The following SCAI variants were observed in gnomAD, a reference collection of about 807,000 sequenced individuals.
The protein encoded by SCAI is suppressor of cancer cell invasion.
A neutral mutation model predicts 92.2 loss-of-function variants in SCAI; 24 were observed. The observed-to-expected ratio is 0.26, with a 90% confidence interval of 0.19 to 0.37. The LOEUF (loss-of-function observed/expected upper bound fraction) is 0.37, where lower values mean the gene tolerates loss of function less well. Among genes scored for constraint, SCAI ranks in the 10% least tolerant of loss-of-function variants. The probability of loss-of-function intolerance (pLI) is 1.00; values close to 1 mark genes in which losing one functional copy is unlikely to be tolerated. For missense variants in SCAI, 450 were observed against 736.2 expected, an observed-to-expected ratio of 0.61 and a Z score of 4.50; for synonymous variants, 261 against 258.6, an observed-to-expected ratio of 1.01 and a Z score of -0.09.
chr9:125,023,974 A>C (rs1832917357), intron 6 of SCAI, among the ~76,000 whole-genome samples: 1 of 152,042 alleles, frequency 6.6e-6, no homozygotes, highest in South Asian at 2.1e-4. Flanking sequence ...GACTCACTGC[A>C]AGGGTCCACA....
chr9:125,098,225 T>C (rs1437653873), intron 2 of SCAI, among the ~76,000 whole-genome samples: 1 of 152,002 alleles, frequency 6.6e-6, no homozygotes, highest in Non-Finnish European at 1.5e-5. Context: ...TGGATAATTT[T>C]TTTTTATTTT....
rs34484716 is a variant in SCAI at position 125,125,831 on chromosome 9, C to CAA, written c.98+16800_98+16801dup. Among the ~76,000 whole-genome samples the CAA allele has an allele frequency of 3.5e-3, 290 of 81,952 alleles. 6 individuals carry two copies. Among genetic ancestry groups the CAA allele is most frequent in the African/African-American group, 0.011 (241 of 22,134 alleles). 53.8% of individuals were successfully genotyped at this position (81,952 alleles called of 152,430 possible). A position where few individuals can be genotyped will look rare whatever the true frequency, so the allele number is the denominator to read the frequency against. ...GGGCGACAGAGTAAAGACTTTGTCTCAAAAAAAAAAAAAAAAAAGATAGCT... is the reference window on the plus strand; with the variant it reads ...GGGCGACAGAGTAAAGACTTTGTCTCAAAAAAAAAAAAAAAAAAAAGATAGCT... On this transcript the variant is annotated intron_variant, in intron 2 of 17. Coordinates refer to ENST00000336505, the MANE Select transcript of SCAI (RefSeq NM_001144877.3).
rs1489703235 is a variant in SCAI at position 125,143,259 on chromosome 9, A to G, written c.53+126T>C. 189 of 130,790 alleles carry G rather than the reference A, an allele frequency of 1.4e-3. 4 individuals carry two copies. The East Asian group carries it at 0.027, about 19-fold the overall frequency. 8.1% of individuals were successfully genotyped at this position (130,790 alleles called of 1,614,324 possible). A position where few individuals can be genotyped will look rare whatever the true frequency, so the allele number is the denominator to read the frequency against. ...CTGCAGGCGCCCCCAAGGTCCCCCC[A>G]GCCTGCACCCCCCGCCCCTCCGGTC... On this transcript the variant is annotated intron_variant, in intron 1 of 17. Transcript: ENST00000336505.
At chr9:125,134,971 C>T (rs561023921) in intron 2 of SCAI, among the ~76,000 whole-genome samples, 8 of 152,174 alleles carry the variant, frequency 5.3e-5, no homozygotes, top group East Asian at 3.9e-4. Context: ...CCACCACGCC[C>T]GGCCAGTTTC....
At chr9:125,121,112 T>C (rs1835147866) in intron 2 of SCAI, among the ~76,000 whole-genome samples, 1 of 151,852 alleles carries the variant, frequency 6.6e-6, no homozygotes, top group Non-Finnish European at 1.5e-5. Flanking sequence ...TTAATAAAAT[T>C]CTAAATTGTG....
chr9:125,031,491 C>T (rs1229799677), intron 3 of SCAI, among the ~76,000 whole-genome samples: 1 of 151,960 alleles, frequency 6.6e-6, no homozygotes, highest in African/African-American at 2.4e-5. Context: ...TCTCCTGATC[C>T]ACCTGCCTCA....
intron 3 of SCAI, among the ~76,000 whole-genome samples, chr9:125,037,104 A>G (rs912359192): frequency 2.0e-5 from 3 of 152,268 alleles, no homozygotes; most frequent in Non-Finnish European, 4.4e-5. Flanking sequence ...CCCTGTCTCT[A>G]CTAAAGAGAC....
At chr9:125,029,480 T>C (rs2131088041) in intron 4 of SCAI, among the ~76,000 whole-genome samples, 164 bp downstream of exon 4, 1 of 152,304 alleles carries the variant, frequency 6.6e-6, no homozygotes, top group Non-Finnish European at 1.5e-5. Flanking sequence ...ATTTGGGTTA[T>C]AAAGATGAAA....
intron 2 of SCAI, among the ~76,000 whole-genome samples, chr9:125,074,443 G>A (rs1834046540): frequency 6.7e-6 from 1 of 149,718 alleles, no homozygotes; most frequent in African/African-American, 2.4e-5. Flanking sequence ...TTTTAGTAGA[G>A]ATGGGGGTCT....
chr9:125,136,661 A>G (rs1353835356), intron 2 of SCAI, among the ~76,000 whole-genome samples: 1 of 151,550 alleles, frequency 6.6e-6, no homozygotes, highest in Non-Finnish European at 1.5e-5. Context: ...GGGTTTCGCT[A>G]CATTGGCCAG....
chr9:124,971,738 C>T lies in SCAI; in HGVS notation c.1506G>A (p.Lys502=), dbSNP rs1831663284. Residue 502 remains lysine (K), a synonymous_variant, in exon 16 of 18, where the codon AAG becomes AAA. Transcript: ENST00000336505. ...LSSMRRGLWE[K]CQEYLRKINR... Reference sequence around the variant, plus strand: ...TGATTTTTCGAAGATATTCTTGACACTTTTCCCATAGGCCTCTGCGCATGC... The same window carrying T: ...TGATTTTTCGAAGATATTCTTGACATTTTTCCCATAGGCCTCTGCGCATGC... 6.2e-7 allele frequency: 1 copy of T among 1,612,426 alleles called. No homozygotes were observed. The highest frequency in any genetic ancestry group is 1.3e-5 in the African/African-American group (1 of 74,854).
At chr9:124,969,291 A>T in intron 17 of SCAI, among the ~76,000 whole-genome samples, 1 of 152,180 alleles carries the variant, frequency 6.6e-6, no homozygotes, top group Non-Finnish European at 1.5e-5. Flanking sequence ...ATAAAACAGA[A>T]AGAAATAATA....
chr9:125,082,449 C>A (rs1304576673), intron 2 of SCAI, among the ~76,000 whole-genome samples: 1 of 152,234 alleles, frequency 6.6e-6, no homozygotes. Context: ...AATCCCCACA[C>A]AGAGTCCCTA....
intron 2 of SCAI, among the ~76,000 whole-genome samples, chr9:125,100,979 A>C (rs1290284692): frequency 1.3e-5 from 2 of 152,100 alleles, no homozygotes; most frequent in African/African-American, 4.8e-5. Context: ...AATCCCAGCT[A>C]TTCAGGAGGC....
intron 2 of SCAI, among the ~76,000 whole-genome samples, chr9:125,077,966 C>A (rs1028940621): frequency 2.0e-5 from 3 of 151,760 alleles, no homozygotes; most frequent in Non-Finnish European, 2.9e-5. Context: ...TGATCCACAC[C>A]CCCCCCGCCT....
intron 2 of SCAI, among the ~76,000 whole-genome samples, chr9:125,088,982 A>C (rs1311509014): frequency 2.0e-5 from 3 of 152,116 alleles, no homozygotes; most frequent in Non-Finnish European, 2.9e-5. Context: ...GACGGCTAAA[A>C]ATATCTCCAG....
At position 124,945,477 on chromosome 9, in the gene SCAI, C is replaced by G. The variant is rs1831131154; in HGVS notation, c.*7330G>C. On this transcript the variant is annotated 3_prime_UTR_variant, in exon 18 of 18. Coordinates refer to ENST00000336505, the MANE Select transcript of SCAI (RefSeq NM_001144877.3). Reference sequence around the variant, plus strand: ...GGCTGAGGCAGGAGAATCTCTTGAACCCAGGAGGCGGAGGTTGCAGTGAGC... The same window carrying G: ...GGCTGAGGCAGGAGAATCTCTTGAAGCCAGGAGGCGGAGGTTGCAGTGAGC... 1 of 152,126 alleles carries G rather than the reference C, an allele frequency of 6.6e-6. No individual in the cohort carries two copies. The highest frequency in any genetic ancestry group is 1.5e-5 in the Non-Finnish European group (1 of 68,094). The allele number at this position is 152,126 out of a possible 1,614,324, so 9.4% of individuals were successfully genotyped here.
chr9:125,000,186 T>C (rs763664412), intron 12 of SCAI, among the ~76,000 whole-genome samples, 196 bp from the exon 13 acceptor site: 1 of 152,168 alleles, frequency 6.6e-6, no homozygotes, highest in Non-Finnish European at 1.5e-5. Context: ...TTCAACATTT[T>C]AAAAAACATT....
intron 12 of SCAI, 77 bp downstream of exon 12, chr9:125,001,888 G>A (rs1375943852): frequency 2.0e-6 from 2 of 1,016,088 alleles, no homozygotes; most frequent in Non-Finnish European, 3.1e-6. Context: ...ATGGTCTGTG[G>A]GCTACGGGCC....
Sources: gnomAD v4.1 joint callset for allele counts (sites outside exome capture counted in the v4.1 genomes callset) on GRCh38, gnomAD v4.1.1 for gene constraint, MANE v1.5 for transcripts, NCBI Gene and HGNC (gene_info 2026-07-23, HGNC 2026-07-21) for gene names.